The following ZNF804A variants were observed in gnomAD, a reference collection of about 807,000 sequenced individuals.
ZNF804A encodes the protein zinc finger protein 804A.
Under a neutral mutation model 16.5 loss-of-function variants are expected in ZNF804A, and 2 were observed. That is an observed-to-expected ratio of 0.12 (90% CI 0.05 to 0.38). The LOEUF is 0.38. Among genes scored for constraint, ZNF804A ranks in the 10% least tolerant of loss-of-function variants. The probability of loss-of-function intolerance (pLI) is 0.99; values close to 1 mark genes in which losing one functional copy is unlikely to be tolerated. For missense variants in ZNF804A, 1,473 were observed against 1,390.7 expected, an observed-to-expected ratio of 1.06 and a Z score of -0.94; for synonymous variants, 534 against 489.6, an observed-to-expected ratio of 1.09 and a Z score of -1.20.
intron 1 of ZNF804A, among the ~76,000 whole-genome samples, chr2:184,769,636 C>A (rs1226747459): frequency 6.6e-6 from 1 of 152,006 alleles, no homozygotes; most frequent in African/African-American, 2.4e-5. Flanking sequence ...AATAAAGAGA[C>A]ATTAGCATCC....
chr2:184,612,784 G>T (rs1691259246), intron 1 of ZNF804A, among the ~76,000 whole-genome samples: 1 of 151,718 alleles, frequency 6.6e-6, no homozygotes, highest in Admixed American at 6.7e-5. Context: ...TTTTTCACAG[G>T]TAGACTGATA....
At chr2:184,816,767 T>C (rs1418445566) in intron 1 of ZNF804A, among the ~76,000 whole-genome samples, 1 of 151,974 alleles carries the variant, frequency 6.6e-6, no homozygotes, top group Non-Finnish European at 1.5e-5. Context: ...TTGTCATTGC[T>C]GCTGTTGTTG....
At chr2:184,929,025 T>C (rs1335560847) in intron 2 of ZNF804A, among the ~76,000 whole-genome samples, 1 of 152,200 alleles carries the variant, frequency 6.6e-6, no homozygotes, top group Non-Finnish European at 1.5e-5. Flanking sequence ...CATTTTTAGT[T>C]CTTATGAAGG....
intron 1 of ZNF804A, among the ~76,000 whole-genome samples, chr2:184,857,668 T>G (rs1000387887): frequency 6.6e-6 from 1 of 152,204 alleles, no homozygotes; most frequent in Non-Finnish European, 1.5e-5. Flanking sequence ...AATATTTATA[T>G]GTTTATATTG....
chr2:184,810,681 G>A (rs1194393769), intron 1 of ZNF804A, among the ~76,000 whole-genome samples: 5 of 151,692 alleles, frequency 3.3e-5, no homozygotes, highest in Admixed American at 6.6e-5. Context: ...TAGTAGAAAC[G>A]GGGTTTCACC....
At chr2:184,923,228 A>G (rs1357931762) in intron 2 of ZNF804A, among the ~76,000 whole-genome samples, 1 of 151,936 alleles carries the variant, frequency 6.6e-6, no homozygotes, top group African/African-American at 2.4e-5. Context: ...AATTTCTTAC[A>G]TCAATGTTTT....
Position 184,877,375 on chromosome 2 carries a change from A to G in ZNF804A, c.255+10863A>G, listed in dbSNP as rs538593138. Among the ~76,000 whole-genome samples, 3 of 152,234 alleles carry G rather than the reference A, an allele frequency of 2.0e-5. No homozygotes were observed. The South Asian group carries it at 6.2e-4, about 32-fold the overall frequency. On this transcript the variant is annotated intron_variant, in intron 2 of 3. Transcript: ENST00000302277. ...GTTCAAAATTTTAAGAAGAAAATTC[A>G]TCCAGGAAAAAATATGCAAAATCTA... is the stretch of plus-strand genomic sequence containing the variant.
At chr2:184,805,203 A>AT (rs1407963813) in intron 1 of ZNF804A, among the ~76,000 whole-genome samples, 1 of 152,116 alleles carries the variant, frequency 6.6e-6, no homozygotes, top group Non-Finnish European at 1.5e-5. Flanking sequence ...CTATCATATT[A>AT]TTTTTTCTGC....
intron 2 of ZNF804A, among the ~76,000 whole-genome samples, chr2:184,869,606 T>G (rs1313420819): frequency 6.6e-6 from 1 of 152,054 alleles, no homozygotes; most frequent in East Asian, 1.9e-4. Flanking sequence ...TAATACGTTC[T>G]TATTATTATT....
intron 1 of ZNF804A, among the ~76,000 whole-genome samples, chr2:184,703,550 C>G (rs193267634): frequency 6.6e-6 from 1 of 151,406 alleles, no homozygotes; most frequent in Non-Finnish European, 1.5e-5. Flanking sequence ...ATTAGCCGGG[C>G]GTGGTGGCGG....
intron 1 of ZNF804A, among the ~76,000 whole-genome samples, chr2:184,768,589 G>T (rs1213688884): frequency 1.3e-5 from 2 of 151,906 alleles, no homozygotes; most frequent in Non-Finnish European, 2.9e-5. Context: ...GTTTAAAGTG[G>T]GGTCTGAAAT....
At chr2:184,803,004 T>G (rs1163979577) in intron 1 of ZNF804A, among the ~76,000 whole-genome samples, 1 of 152,194 alleles carries the variant, frequency 6.6e-6, no homozygotes, top group African/African-American at 2.4e-5. Context: ...CACTGACTAG[T>G]AAGGTTATAG....
chr2:184,779,843 GA>G (rs1694347090), intron 1 of ZNF804A, among the ~76,000 whole-genome samples: 1 of 151,700 alleles, frequency 6.6e-6, no homozygotes, highest in Non-Finnish European at 1.5e-5. Context: ...GTCAGATAAT[GA>G]ATTTGCTGTA....
At chr2:184,859,834 CCTG>C (rs1218556794) in intron 1 of ZNF804A, among the ~76,000 whole-genome samples, 4 of 152,208 alleles carry the variant, frequency 2.6e-5, no homozygotes, top group African/African-American at 9.6e-5. Flanking sequence ...GTCGAGTTGT[CCTG>C]CTGCCTAGGT....
chr2:184,920,804 T>A (rs962406910), intron 2 of ZNF804A, among the ~76,000 whole-genome samples: 2 of 152,172 alleles, frequency 1.3e-5, no homozygotes, highest in Admixed American at 1.3e-4. Flanking sequence ...AGGCTCTCAG[T>A]CCTACTACCA....
intron 1 of ZNF804A, among the ~76,000 whole-genome samples, chr2:184,738,125 T>TAAA (rs375979448): frequency 8.8e-6 from 1 of 113,980 alleles, no homozygotes. Context: ...GAACTTTGTC[T>TAAA]AAAAAAAAAA....
At chr2:184,822,712 G>A (rs994836461) in intron 1 of ZNF804A, among the ~76,000 whole-genome samples, 1 of 151,998 alleles carries the variant, frequency 6.6e-6, no homozygotes, top group African/African-American at 2.4e-5. Flanking sequence ...ATTCCATTTT[G>A]TTGAATTTAA....
Position 184,598,672 on chromosome 2 carries a change from C to T in ZNF804A, c.-288C>T, listed in dbSNP as rs1210850335. On this transcript the variant is annotated 5_prime_UTR_variant, in exon 1 of 4. Transcript: ENST00000302277. Reference sequence around the variant, plus strand: ...TCGGTTCCGTTTCGCCGGCCCGGCCCCCTCCTAGGCTGGAATCCTCCCGCG... The same window carrying T: ...TCGGTTCCGTTTCGCCGGCCCGGCCTCCTCCTAGGCTGGAATCCTCCCGCG... 1 of 225,676 alleles carries T rather than the reference C, an allele frequency of 4.4e-6. No individual in the cohort carries two copies. The highest frequency in any genetic ancestry group is 2.3e-5 in the African/African-American group (1 of 43,738). 14.0% of individuals were successfully genotyped at this position (225,676 alleles called of 1,614,324 possible).
chr2:184,803,858 C>CTT (rs1043170929), intron 1 of ZNF804A, among the ~76,000 whole-genome samples: 4 of 142,968 alleles, frequency 2.8e-5, no homozygotes, highest in Non-Finnish European at 6.1e-5. Flanking sequence ...TCTTTTCTGT[C>CTT]TTTTTTTTTG....
Sources: gnomAD v4.1 joint callset for allele counts (sites outside exome capture counted in the v4.1 genomes callset) on GRCh38, gnomAD v4.1.1 for gene constraint, MANE v1.5 for transcripts, NCBI Gene and HGNC (gene_info 2026-07-23, HGNC 2026-07-21) for gene names.